Variants in GPC3 observed in about 807,000 individuals in gnomAD.
GPC3 encodes glypican-3.
A neutral mutation model predicts 34.4 loss-of-function variants in GPC3; 3 were observed. The observed-to-expected ratio is 0.09, with a 90% CI of 0.04 to 0.23. The LOEUF (loss-of-function observed/expected upper bound fraction) is 0.23, where lower values mean the gene tolerates loss of function less well. GPC3 is among the 10% of genes least tolerant of loss of function. GPC3 has a pLI of 1.00. For synonymous variants in GPC3, 177 were observed against 174.0 expected (o/e 1.02, Z -0.13); for missense variants, 351 against 445.6 (o/e 0.79, Z 1.91).
intron 6 of GPC3, among the ~76,000 whole-genome samples, chrX:133,624,531 C>A (rs2070274897): frequency 8.9e-6 from 1 of 111,767 alleles, no homozygotes; most frequent in Admixed American, 9.5e-5. Context: ...ACTATAAACA[C>A]CTCTATGCAA....
chrX:133,892,531 G>A (rs937025153), intron 2 of GPC3, among the ~76,000 whole-genome samples: 1 of 111,243 alleles, frequency 9.0e-6, no homozygotes, highest in Non-Finnish European at 1.9e-5. Flanking sequence ...CTGCATACCA[G>A]GAAGGTCTAA....
intron 6 of GPC3, among the ~76,000 whole-genome samples, chrX:133,604,155 T>C (rs1055423199): frequency 1.8e-5 from 2 of 111,328 alleles, no homozygotes; most frequent in Non-Finnish European, 3.8e-5. Flanking sequence ...TGAAGCTCAG[T>C]AACCTTACCA....
chrX:133,877,672 A>G (rs1029065536), intron 2 of GPC3, among the ~76,000 whole-genome samples: 4 of 112,318 alleles, frequency 3.6e-5, no homozygotes, highest in African/African-American at 9.7e-5. Context: ...AAAAGTCAGA[A>G]ACAATCTAAG....
chrX:133,727,475 G>A (rs1168882657), intron 3 of GPC3, among the ~76,000 whole-genome samples: 5 of 110,381 alleles, frequency 4.5e-5, no homozygotes, highest in South Asian at 3.9e-4. Flanking sequence ...ACTTGAACCC[G>A]GGAAGTAGAG....
chrX:133,907,447 GA>G (rs1190244723), intron 2 of GPC3, among the ~76,000 whole-genome samples: 6 of 107,131 alleles, frequency 5.6e-5, no homozygotes, highest in South Asian at 4.0e-4. Flanking sequence ...TAGAAAATAG[GA>G]AAAAAAAAGC....
rs138187888 is a variant in GPC3 at position 133,847,085 on chromosome X, T to C, written c.338-92909A>G. ...TATCCAATCAAATTATATGTATACA[T>C]ACATATAACTGAGTATATGCATATG... On this transcript the variant is annotated intron_variant, in intron 2 of 7. Transcript: ENST00000370818. Among the ~76,000 whole-genome samples the C allele has an allele frequency of 5.4e-3, 601 of 111,794 alleles. 21 individuals are homozygous for C. Among genetic ancestry groups the C allele is most frequent in the Admixed American group, 0.051 (535 of 10,546 alleles).
At chrX:133,800,069 T>G (rs2075601648) in intron 2 of GPC3, among the ~76,000 whole-genome samples, 1 of 112,381 alleles carries the variant, frequency 8.9e-6, no homozygotes, top group Admixed American at 9.4e-5. Context: ...AACCTTGCAC[T>G]TTATTTGATC....
chrX:133,629,527 C>T (rs760964252), intron 6 of GPC3, among the ~76,000 whole-genome samples: 41 of 110,037 alleles, frequency 3.7e-4, no homozygotes, highest in African/African-American at 1.3e-3. Context: ...TCCCAAGTAG[C>T]TGGGACTACG....
intron 2 of GPC3, among the ~76,000 whole-genome samples, chrX:133,759,175 ATT>A (rs1330987275): frequency 8.9e-6 from 1 of 112,291 alleles, no homozygotes; most frequent in Non-Finnish European, 1.9e-5. Context: ...AAGACTCAAT[ATT>A]ATTAAGTTTT....
At chrX:133,568,287 G>C (rs747560867) in intron 7 of GPC3, among the ~76,000 whole-genome samples, 13 of 111,578 alleles carry the variant, frequency 1.2e-4, no homozygotes, top group Non-Finnish European at 2.1e-4. Context: ...TTACTAAAGG[G>C]GTACCTATTT....
chrX:133,560,559 C>T (rs2069532361), intron 7 of GPC3, among the ~76,000 whole-genome samples: 1 of 111,532 alleles, frequency 9.0e-6, no homozygotes, highest in African/African-American at 3.3e-5. Context: ...GTCAACATGG[C>T]AAAACCCCGT....
intron 2 of GPC3, among the ~76,000 whole-genome samples, chrX:133,915,323 A>T (rs1473837912): frequency 9.1e-6 from 1 of 109,732 alleles, no homozygotes; most frequent in Non-Finnish European, 1.9e-5. Flanking sequence ...ACAGGCACCC[A>T]CCACCACGCC....
chrX:133,985,531 T>A lies in GPC3; in HGVS notation c.-82A>T, dbSNP rs2076564976. The A allele has an allele frequency of 2.1e-6, 2 of 949,315 alleles. No homozygotes were observed. Among genetic ancestry groups the A allele is most frequent in the Non-Finnish European group, 2.9e-6 (2 of 683,105 alleles). The allele number at this position is 949,315 out of a possible 1,213,427, so 78.2% of individuals were successfully genotyped here. A position where few individuals can be genotyped will look rare whatever the true frequency, so the allele number is the denominator to read the frequency against. On this transcript the variant is annotated 5_prime_UTR_variant, in exon 1 of 8. Transcript: ENST00000370818. ...TCCCAGGACTCGGCAAGCCTGGCAGTGGCCCTGAGGAGCAAGAGACGTGCT... is the reference window on the plus strand; with the variant it reads ...TCCCAGGACTCGGCAAGCCTGGCAGAGGCCCTGAGGAGCAAGAGACGTGCT...
intron 2 of GPC3, among the ~76,000 whole-genome samples, chrX:133,837,761 A>G (rs1186169231): frequency 8.9e-6 from 1 of 112,181 alleles, no homozygotes. Context: ...CCAAATACCA[A>G]GAAGCATTTT....
chrX:133,821,922 T>C (rs1603254072), intron 2 of GPC3, among the ~76,000 whole-genome samples: 3 of 111,776 alleles, frequency 2.7e-5, no homozygotes, highest in South Asian at 7.5e-4. Flanking sequence ...TTGGCATCAC[T>C]TGACCCAGAA....
intron 3 of GPC3, among the ~76,000 whole-genome samples, chrX:133,743,732 G>A (rs767418144): frequency 3.6e-5 from 4 of 112,233 alleles, no homozygotes; most frequent in Non-Finnish European, 7.5e-5. Flanking sequence ...CTAGCCACTC[G>A]ACATCTTTTT....
At chrX:133,568,624 T>C (rs1394773355) in intron 7 of GPC3, among the ~76,000 whole-genome samples, 1 of 111,473 alleles carries the variant, frequency 9.0e-6, no homozygotes, top group East Asian at 2.8e-4. Context: ...GAGGAGACAG[T>C]AATCACCTCT....
At chrX:133,747,601 T>C in intron 3 of GPC3, among the ~76,000 whole-genome samples, 1 of 111,490 alleles carries the variant, frequency 9.0e-6, no homozygotes, top group African/African-American at 3.3e-5. Context: ...GAGAGCAATA[T>C]AGAGTAATGG....
intron 2 of GPC3, among the ~76,000 whole-genome samples, chrX:133,880,603 T>C (rs747401761): frequency 4.1e-4 from 46 of 111,807 alleles, no homozygotes; most frequent in Admixed American, 9.5e-5. Context: ...TTCTATTTGA[T>C]AACAAGGAAA....
Sources: allele counts gnomAD v4.1 joint callset (sites outside exome capture counted in the v4.1 genomes callset), GRCh38; gene constraint gnomAD v4.1.1; transcripts MANE v1.5; gene names NCBI Gene and HGNC (gene_info 2026-07-23, HGNC 2026-07-21).